The following CDCA5 variants were observed in gnomAD, a reference collection of about 807,000 sequenced individuals.
CDCA5 encodes the protein sororin.
A neutral mutation model predicts 25.7 loss-of-function variants in CDCA5; 14 were observed. The ratio of observed to expected loss-of-function variants is 0.54; its 90% CI spans 0.36 to 0.85. CDCA5 has a LOEUF of 0.85. Among genes scored for constraint, CDCA5 ranks in the 40% least tolerant of loss-of-function variants. The pLI is 0.01. For missense variants in CDCA5, 307 were observed against 324.5 expected (o/e 0.95, Z 0.41); for synonymous variants, 127 against 128.7 (o/e 0.99, Z 0.09).
downstream of CDCA5, among the ~76,000 whole-genome samples, chr11:65,064,046 A>G (rs565710866): frequency 1.3e-5 from 2 of 152,234 alleles, no homozygotes; most frequent in South Asian, 4.1e-4. Context: ...GGGCTCCGTA[A>G]TAGACTCCAT....
downstream of CDCA5, among the ~76,000 whole-genome samples, chr11:65,074,720 C>T (rs1193681803): frequency 8.0e-6 from 1 of 124,370 alleles, no homozygotes; most frequent in African/African-American, 3.2e-5. Context: ...GCCTGGGCGA[C>T]GGAGCCAGAC....
chr11:65,065,435 G>A (rs890386474), downstream of CDCA5, among the ~76,000 whole-genome samples: 13 of 152,078 alleles, frequency 8.5e-5, no homozygotes, highest in African/African-American at 2.4e-4. Flanking sequence ...TTACAGGCAC[G>A]TGCCACCACA....
downstream of CDCA5, chr11:65,077,451 C>A (rs752026016): frequency 9.8e-5 from 97 of 985,268 alleles, no homozygotes; most frequent in Non-Finnish European, 1.2e-4. Context: ...AAACACAGTC[C>A]ATGAACAGGC....
At chr11:65,067,614 C>A (rs776731353) in intron 4 of CDCA5, 15 of 1,230,500 alleles carry the variant, frequency 1.2e-5, no homozygotes, top group Non-Finnish European at 1.6e-5. Flanking sequence ...TCGGGGGAAG[C>A]CCTGTCACCC....
rs1372428217 is a variant in CDCA5 at position 65,066,600 on chromosome 11, T to G, written c.515A>C (p.Lys172Thr). The change falls in exon 6 of 7, where the codon AAG becomes ACG. Residue 172 changes from lysine to threonine, a missense_variant. Coordinates refer to the CDCA5 transcript ENST00000525464. Reference sequence around the variant, plus strand: ...GGCCTGGCTTTCCTCCTGCAGGGCCTTCACTTCATCCTGGATGGCCTGGGC... The same window carrying G: ...GGCCTGGCTTTCCTCCTGCAGGGCCGTCACTTCATCCTGGATGGCCTGGGC... 4 of 1,289,286 alleles carry G rather than the reference T, an allele frequency of 3.1e-6. No homozygotes were observed. The African/African-American group carries it at 4.6e-5, about 15-fold the overall frequency. 79.9% of individuals were successfully genotyped at this position (1,289,286 alleles called of 1,614,324 possible).
chr11:65,078,816 A>G lies in CDCA5; in HGVS notation c.*291T>C. On this transcript the variant is annotated 3_prime_UTR_variant, in exon 6 of 6. Transcript: ENST00000275517. Reference sequence around the variant, plus strand: ...GGCTGGGCCACTGATTCTCCTCCCCAGTCTGTGGCCCATCTGGAAACTGGC... The same window carrying G: ...GGCTGGGCCACTGATTCTCCTCCCCGGTCTGTGGCCCATCTGGAAACTGGC... 8.7e-7 allele frequency: 1 copy of G among 1,148,704 alleles called. No homozygotes were observed. Among genetic ancestry groups the G allele is most frequent in the Non-Finnish European group, 1.1e-6 (1 of 934,860 alleles). The allele number at this position is 1,148,704 out of a possible 1,614,324, so 71.2% of individuals were successfully genotyped here.
chr11:65,079,343 T>G lies in CDCA5; in HGVS notation c.678+10A>C, dbSNP rs1565284191. 5.6e-6 allele frequency: 9 copies of G among 1,613,942 alleles called. No individual in the cohort carries two copies. Among genetic ancestry groups the G allele is most frequent in the Non-Finnish European group, 6.8e-6 (8 of 1,179,958 alleles). ...CACACGGCAGAGAAAAACCCCTGCC[T>G]CTCACTCACCAAGATCTCTGGCATT... On this transcript the variant is annotated intron_variant, in intron 5 of 5. Transcript: ENST00000275517.
In CDCA5 at chr11:65,078,734, C is replaced by T; in HGVS notation, c.*373G>A. On this transcript the variant is annotated 3_prime_UTR_variant, in exon 6 of 6. Transcript: ENST00000275517. The stretch of plus-strand genomic sequence containing the variant: ...CCCTGGGCCTATTTCCAAGCAGCCA[C>T]CCCTCCCAACAAGAGCAGAGGTGCC... 9.8e-7 allele frequency: 1 copy of T among 1,023,930 alleles called. No individual in the cohort carries two copies. Among genetic ancestry groups the T allele is most frequent in the Non-Finnish European group, 1.2e-6 (1 of 855,770 alleles). 63.4% of individuals were successfully genotyped at this position (1,023,930 alleles called of 1,614,324 possible). A position where few individuals can be genotyped will look rare whatever the true frequency, so the allele number is the denominator to read the frequency against.
At chr11:65,076,063 C>T (rs1227094853), downstream of CDCA5, among the ~76,000 whole-genome samples, 2 of 152,178 alleles carry the variant, frequency 1.3e-5, no homozygotes, top group Non-Finnish European at 2.9e-5. Context: ...TTGGAACGTT[C>T]CTTCAAGCTT....
intron 3 of CDCA5, chr11:65,067,765 G>T: frequency 7.8e-7 from 1 of 1,282,662 alleles, no homozygotes; most frequent in Non-Finnish European, 1.0e-6. Context: ...TGGAGCAAGT[G>T]GGTAGTGAAG....
downstream of CDCA5, among the ~76,000 whole-genome samples, chr11:65,075,113 C>T (rs1355349972): frequency 4.1e-5 from 6 of 145,456 alleles, no homozygotes; most frequent in Non-Finnish European, 9.0e-5. Flanking sequence ...ATAGGCCCGG[C>T]GTGCCAGCCA....
chr11:65,078,012 C>T lies in CDCA5; in HGVS notation c.*1095G>A. The T allele has an allele frequency of 1.0e-6, 1 of 985,432 alleles. No homozygotes were observed. The highest frequency in any genetic ancestry group is 1.2e-6 in the Non-Finnish European group (1 of 829,936). 61.0% of individuals were successfully genotyped at this position (985,432 alleles called of 1,614,324 possible). A position where few individuals can be genotyped will look rare whatever the true frequency, so the allele number is the denominator to read the frequency against. On this transcript the variant is annotated 3_prime_UTR_variant, in exon 6 of 6. Coordinates refer to ENST00000275517, the MANE Select transcript of CDCA5 (RefSeq NM_080668.4). ...GAAAGAAGAGAAAGATGGGGAAATTCTCCAGAGATCATGAGATGCATCCAG... is the reference window on the plus strand; with the variant it reads ...GAAAGAAGAGAAAGATGGGGAAATTTTCCAGAGATCATGAGATGCATCCAG...
At position 65,083,491 on chromosome 11, in the gene CDCA5, A is replaced by C. The variant is rs1201795244; in HGVS notation, c.201T>G (p.Ala67=). ...CACTCTCCTTAGCCTTTACCTCTAC[A>C]GCATGGGCCACGATCCTCTTTAAGA... ...PIVLKRIVAH[A]VEVPAVQSPR... is the part of the protein sequence containing the mutation. The change falls in exon 3 of 6, where the codon GCT becomes GCG. Residue 67 remains alanine (A), a synonymous_variant. Coordinates refer to ENST00000275517, the MANE Select transcript of CDCA5 (RefSeq NM_080668.4). 1.9e-6 allele frequency: 3 copies of C among 1,614,210 alleles called. No homozygotes were observed. The highest frequency in any genetic ancestry group is 2.5e-6 in the Non-Finnish European group (3 of 1,180,032).
exon 2 of CDCA5, chr11:65,068,576 T>C (rs1590786048): frequency 7.8e-7 from 1 of 1,289,324 alleles, no homozygotes; most frequent in Non-Finnish European, 1.0e-6. Context: ...CAGCTTGGAG[T>C]GGGCTCTTTG....
chr11:65,069,141 G>A (rs1947295438), intron 1 of CDCA5, among the ~76,000 whole-genome samples: 1 of 150,158 alleles, frequency 6.7e-6, no homozygotes. Flanking sequence ...TTGGGAGGCC[G>A]AGGTGGGAGA....
chr11:65,064,749 G>A (rs946188408), downstream of CDCA5, among the ~76,000 whole-genome samples: 3 of 152,048 alleles, frequency 2.0e-5, no homozygotes, highest in Non-Finnish European at 4.4e-5. Context: ...GTCTGGGAGC[G>A]GTAGCTAATG....
chr11:65,066,679 G>C, exon 6 of CDCA5: 1 of 1,288,824 alleles, frequency 7.8e-7, no homozygotes, highest in Non-Finnish European at 1.0e-6. Flanking sequence ...AATAAGGTGG[G>C]CTGGACAAAG....
chr11:65,068,438 T>A, intron 2 of CDCA5: 2 of 1,105,764 alleles, frequency 1.8e-6, no homozygotes, highest in Middle Eastern at 6.1e-4. Flanking sequence ...TCTCCAGCTC[T>A]CCTGCCTCCC....
chr11:65,082,765 A>G (rs1395239745), intron 4 of CDCA5, among the ~76,000 whole-genome samples: 4 of 151,856 alleles, frequency 2.6e-5, no homozygotes, highest in African/African-American at 9.7e-5. Context: ...CCCGGCCTCT[A>G]CTTGTCTTTA....
Sources: allele counts gnomAD v4.1 joint callset (sites outside exome capture counted in the v4.1 genomes callset), GRCh38; gene constraint gnomAD v4.1.1; transcripts MANE v1.5; gene names NCBI Gene and HGNC (gene_info 2026-07-23, HGNC 2026-07-21).